The following TFPI variants were observed in gnomAD, a reference collection of about 807,000 sequenced individuals.
The protein encoded by TFPI is anti-convertin.
In TFPI, 15 loss-of-function variants were observed where a neutral mutation model predicts 34.6. The ratio of observed to expected loss-of-function variants is 0.43; its 90% CI spans 0.29 to 0.67. The LOEUF is 0.67. TFPI is among the 30% of genes least tolerant of loss of function. The pLI is 0.15. For missense variants in TFPI, 301 were observed against 364.0 expected, an observed-to-expected ratio of 0.83 and a Z score of 1.41; for synonymous variants, 105 against 120.1, an observed-to-expected ratio of 0.87 and a Z score of 0.82.
At chr2:187,517,887 T>TTA (rs1559138789) in intron 1 of TFPI, 1 of 152,222 alleles carries the variant, frequency 6.6e-6, no homozygotes, top group Non-Finnish European at 1.5e-5. Context: ...CCCTTTACCA[T>TTA]TATATAACGC....
intron 1 of TFPI, chr2:187,529,241 C>T (rs1185451135): frequency 1.3e-5 from 2 of 152,204 alleles, no homozygotes; most frequent in East Asian, 3.9e-4. Flanking sequence ...AATGGATCTT[C>T]ACCAGGTAAG....
chr2:187,521,211 T>C (rs1414350924), intron 1 of TFPI, among the ~76,000 whole-genome samples: 1 of 152,144 alleles, frequency 6.6e-6, no homozygotes, highest in Non-Finnish European at 1.5e-5. Context: ...TACATCAATA[T>C]GTTCTGTGAC....
At chr2:187,534,451 T>C (rs1340717812) in intron 1 of TFPI, among the ~76,000 whole-genome samples, 1 of 152,164 alleles carries the variant, frequency 6.6e-6, no homozygotes, top group Non-Finnish European at 1.5e-5. Context: ...AAGCCAGAAT[T>C]TCATATCAAG....
At chr2:187,533,226 C>G (rs1173925337) in intron 1 of TFPI, among the ~76,000 whole-genome samples, 1 of 152,188 alleles carries the variant, frequency 6.6e-6, no homozygotes, top group Non-Finnish European at 1.5e-5. Flanking sequence ...AAGAGACAGA[C>G]TGCCTCTTCA....
intron 6 of TFPI, chr2:187,478,673 A>C: frequency 6.2e-7 from 1 of 1,612,270 alleles, no homozygotes; most frequent in East Asian, 2.2e-5. Flanking sequence ...AAAAGCACAA[A>C]TATTAACATA....
At chr2:187,553,680 A>G (rs1044770659) in intron 1 of TFPI, among the ~76,000 whole-genome samples, 1 of 152,180 alleles carries the variant, frequency 6.6e-6, no homozygotes, top group African/African-American at 2.4e-5. Context: ...ATATTTCCTT[A>G]GAGAGATTAG....
chr2:187,473,283 A>G (rs757882637), intron 6 of TFPI, among the ~76,000 whole-genome samples: 129 of 152,148 alleles, frequency 8.5e-4, no homozygotes, highest in Non-Finnish European at 1.6e-3. Context: ...TAGCTTTATT[A>G]GGTAGGGAGC....
chr2:187,499,341 T>C (rs1026793873), intron 2 of TFPI, among the ~76,000 whole-genome samples: 2 of 152,070 alleles, frequency 1.3e-5, no homozygotes, highest in African/African-American at 4.8e-5. Flanking sequence ...AAAAATACTT[T>C]CTAAAAATCG....
At chr2:187,503,895 A>AAAATGG in intron 1 of TFPI, 125 bp from the exon 2 acceptor site, 4 of 1,009,600 alleles carry the variant, frequency 4.0e-6, no homozygotes, top group Non-Finnish European at 5.7e-6. Flanking sequence ...GTATACACAT[A>AAAATGG]CATTTCTCTG....
Position 187,484,939 on chromosome 2 carries a change from C to T in TFPI, c.407G>A (p.Gly136Asp). The T allele has an allele frequency of 1.3e-6, 2 of 1,563,112 alleles. No homozygotes were observed. Among genetic ancestry groups the T allele is most frequent in the Non-Finnish European group, 1.7e-6 (2 of 1,158,962 alleles). Residue 136 changes from glycine to aspartate, a missense_variant, in exon 5 of 8, where the codon GGT (glycine) becomes GAT (aspartate). Coordinates refer to ENST00000233156, the MANE Select transcript of TFPI (RefSeq NM_006287.6). ...GTTATAAAAATACCTGGTAATATAA[C>T]CTCGACATATTCCAGGATCTTCTTC... Reference protein sequence around the residue: ...FLEEDPGICRGYITRYFYNNQ... With the variant: ...FLEEDPGICRDYITRYFYNNQ...
At chr2:187,519,532 G>A (rs1687232886) in intron 1 of TFPI, 1 of 152,912 alleles carries the variant, frequency 6.5e-6, no homozygotes, top group Non-Finnish European at 1.5e-5. Context: ...TTGTCCCAGA[G>A]GGCACCTGGC....
chr2:187,501,434 C>T (rs922856812), intron 2 of TFPI, among the ~76,000 whole-genome samples: 1 of 151,926 alleles, frequency 6.6e-6, no homozygotes, highest in Non-Finnish European at 1.5e-5. Context: ...TTTCAGGTAA[C>T]TTACCATCTA....
At chr2:187,487,779 T>G (rs2106030305) in intron 4 of TFPI, among the ~76,000 whole-genome samples, 1 of 151,648 alleles carries the variant, frequency 6.6e-6, no homozygotes, top group East Asian at 1.9e-4. Flanking sequence ...ACATGCTAGA[T>G]ATTTATTTTT....
intron 1 of TFPI, chr2:187,514,893 G>C (rs1469324751): frequency 1.3e-5 from 2 of 152,238 alleles, no homozygotes; most frequent in Admixed American, 6.5e-5. Flanking sequence ...TTTGGTGGGT[G>C]ACAGTTAATA....
chr2:187,467,858 A>G lies in TFPI; in HGVS notation c.703T>C (p.Tyr235His). 4.3e-6 allele frequency: 7 copies of G among 1,612,840 alleles called. No individual in the cohort carries two copies. Among genetic ancestry groups the G allele is most frequent in the Non-Finnish European group, 5.9e-6 (7 of 1,179,378 alleles). Residue 235 changes from tyrosine to histidine, a missense_variant, in exon 7 of 8, where the codon TAC (tyrosine) becomes CAC (histidine). Tyr to His is a moderately conservative substitution (Grantham distance 83). Coordinates refer to ENST00000233156, the MANE Select transcript of TFPI (RefSeq NM_006287.6). ...LCRANENRFY[Y>H]NSVIGKCRPF... Reference sequence around the variant, plus strand: ...CGGCATTTCCCAATGACTGAATTGTAGTAGAATCTGTTCTCATTGGCACGA... The same window carrying G: ...CGGCATTTCCCAATGACTGAATTGTGGTAGAATCTGTTCTCATTGGCACGA...
chr2:187,483,789 A>G (rs1350039211), intron 6 of TFPI: 1 of 276,078 alleles, frequency 3.6e-6, no homozygotes, highest in East Asian at 1.1e-4. Flanking sequence ...CTGTGCCAGT[A>G]CAATGATTTA....
At chr2:187,542,739 T>G (rs1322993685) in intron 1 of TFPI, among the ~76,000 whole-genome samples, 2 of 151,836 alleles carry the variant, frequency 1.3e-5, no homozygotes, top group Non-Finnish European at 2.9e-5. Flanking sequence ...TGGTGGCGTG[T>G]GCCTGTAAAC....
chr2:187,489,561 G>C (rs1431311017), intron 3 of TFPI, among the ~76,000 whole-genome samples: 2 of 151,366 alleles, frequency 1.3e-5, no homozygotes, highest in African/African-American at 4.8e-5. Context: ...TTGATAAGAA[G>C]AAAGAAATGT....
At chr2:187,551,768 A>G (rs549005404) in intron 1 of TFPI, among the ~76,000 whole-genome samples, 2 of 152,310 alleles carry the variant, frequency 1.3e-5, no homozygotes, top group East Asian at 3.9e-4. Context: ...AAAGAATTAT[A>G]GTACTGCTAT....
Sources: gnomAD v4.1 joint callset for allele counts (sites outside exome capture counted in the v4.1 genomes callset) on GRCh38, gnomAD v4.1.1 for gene constraint, MANE v1.5 for transcripts, NCBI Gene and HGNC (gene_info 2026-07-23, HGNC 2026-07-21) for gene names.